ATG10: variants seen among roughly 807,000 people sequenced by gnomAD.
ATG10 encodes autophagy related 10.
A neutral mutation model predicts 32.1 loss-of-function variants in ATG10; 30 were observed. The ratio of observed to expected loss-of-function variants is 0.94; its 90% CI spans 0.70 to 1.27. The LOEUF is 1.27. Among genes scored for constraint, ATG10 ranks in the 50% most tolerant of loss-of-function variants. ATG10 has a pLI of 0.00. For missense variants in ATG10, 233 were observed against 262.3 expected, an observed-to-expected ratio of 0.89 and a Z score of 0.77; for synonymous variants, 87 against 91.5, an observed-to-expected ratio of 0.95 and a Z score of 0.28.
chr5:82,210,565 A>G (rs1433821244), intron 5 of ATG10, among the ~76,000 whole-genome samples: 1 of 152,052 alleles, frequency 6.6e-6, no homozygotes, highest in Non-Finnish European at 1.5e-5. Flanking sequence ...TTTTCTCCTG[A>G]TTCTTTGACC....
chr5:82,054,350 C>T (rs1763522318), intron 2 of ATG10, among the ~76,000 whole-genome samples: 1 of 152,162 alleles, frequency 6.6e-6, no homozygotes, highest in Admixed American at 6.6e-5. Flanking sequence ...AATGCAGAAT[C>T]AGGAGGTCTG....
intron 3 of ATG10, among the ~76,000 whole-genome samples, chr5:82,113,125 C>T (rs1393916888): frequency 1.3e-5 from 2 of 151,692 alleles, no homozygotes; most frequent in Admixed American, 6.6e-5. Context: ...TCACAGACGC[C>T]GTTTGTTGAC....
chr5:82,033,729 A>AAC (rs59922803), intron 2 of ATG10, among the ~76,000 whole-genome samples: 2,861 of 146,284 alleles, frequency 0.02, 58 homozygotes, highest in African/African-American at 0.054. Context: ...ATACTATACA[A>AAC]ACACACACAC....
intron 3 of ATG10, among the ~76,000 whole-genome samples, chr5:82,080,389 G>A (rs1448643824): frequency 1.3e-5 from 2 of 152,102 alleles, no homozygotes; most frequent in African/African-American, 2.4e-5. Flanking sequence ...TGTCTATTTT[G>A]GCTTTTGTTG....
chr5:82,135,327 T>A (rs1766682068), intron 3 of ATG10, among the ~76,000 whole-genome samples: 1 of 152,206 alleles, frequency 6.6e-6, no homozygotes. Flanking sequence ...AAGGTGTCAA[T>A]TTTAGATCTT....
chr5:82,207,822 C>T (rs766161019), intron 5 of ATG10, among the ~76,000 whole-genome samples: 8 of 151,972 alleles, frequency 5.3e-5, no homozygotes, highest in Non-Finnish European at 8.8e-5. Context: ...ACTGCTGAGC[C>T]CTGGAAATGT....
intron 5 of ATG10, among the ~76,000 whole-genome samples, chr5:82,240,834 A>G (rs1262355176): frequency 1.3e-5 from 2 of 152,222 alleles, no homozygotes; most frequent in African/African-American, 4.8e-5. Context: ...AAAGGAGAAA[A>G]GTTATAGATT....
chr5:82,054,185 A>T (rs1763514004), intron 2 of ATG10, among the ~76,000 whole-genome samples: 1 of 152,174 alleles, frequency 6.6e-6, no homozygotes, highest in African/African-American at 2.4e-5. Context: ...GACACCAGCA[A>T]CAGTTTGAAA....
At chr5:82,216,868 A>T (rs1745701851) in intron 5 of ATG10, among the ~76,000 whole-genome samples, 1 of 152,118 alleles carries the variant, frequency 6.6e-6, no homozygotes, top group South Asian at 2.1e-4. Flanking sequence ...CAGCCTGGAC[A>T]ATATGGTGAA....
At chr5:82,205,840 C>CAA (rs1745268748) in intron 5 of ATG10, among the ~76,000 whole-genome samples, 2 of 152,020 alleles carry the variant, frequency 1.3e-5, no homozygotes, top group African/African-American at 4.8e-5. Flanking sequence ...TAGAGTCAGC[C>CAA]AAATTTGGGA....
chr5:82,015,873 G>A (rs1289719950), intron 2 of ATG10, among the ~76,000 whole-genome samples: 3 of 152,224 alleles, frequency 2.0e-5, no homozygotes, highest in African/African-American at 7.2e-5. Context: ...CTGGTGAGGA[G>A]CTGCGTTCCT....
chr5:82,127,555 C>T (rs1342249049), intron 3 of ATG10, among the ~76,000 whole-genome samples: 1 of 152,134 alleles, frequency 6.6e-6, no homozygotes, highest in Non-Finnish European at 1.5e-5. Flanking sequence ...AGTGGTCATT[C>T]AGGAGCAGGT....
chr5:81,999,138 T>G (rs2149681524), intron 2 of ATG10, among the ~76,000 whole-genome samples: 1 of 123,998 alleles, frequency 8.1e-6, no homozygotes, highest in African/African-American at 2.9e-5. Context: ...AAAAAAATCC[T>G]CAGCCAAAAA....
intron 3 of ATG10, among the ~76,000 whole-genome samples, chr5:82,151,626 C>CA (rs530575677): frequency 0.051 from 5,058 of 98,442 alleles, 206 homozygotes; most frequent in African/African-American, 0.15. Context: ...ATCCCTGGAA[C>CA]AAAAAAAAAA....
rs559408145 is a variant in ATG10 at position 82,111,917 on chromosome 5, A to G, written c.217-52482A>G. On this transcript the variant is annotated intron_variant, in intron 3 of 7. Coordinates refer to ENST00000282185, the MANE Select transcript of ATG10 (RefSeq NM_031482.5). The stretch of plus-strand genomic sequence containing the variant: ...TTGTGTTCATATATCTGTTTTGTTC[A>G]TGGTGAAACTAACACTACAAAAGAA... 2.0e-5 allele frequency among the ~76,000 whole-genome samples: 3 copies of G among 152,174 alleles called. No individual in the cohort carries two copies. The South Asian group carries it at 6.2e-4, about 32-fold the overall frequency.
intron 2 of ATG10, among the ~76,000 whole-genome samples, chr5:82,028,029 A>G (rs1259346649): frequency 6.6e-6 from 1 of 152,256 alleles, no homozygotes; most frequent in Admixed American, 6.5e-5. Context: ...TAAACCAGTT[A>G]CAAGGTCACA....
At chr5:82,014,321 G>C (rs1247028273) in intron 2 of ATG10, among the ~76,000 whole-genome samples, 1 of 152,210 alleles carries the variant, frequency 6.6e-6, no homozygotes, top group Non-Finnish European at 1.5e-5. Context: ...TTGGGGTGGA[G>C]AGTTCTGTAG....
chr5:82,060,218 CAT>C (rs796130997), intron 3 of ATG10, among the ~76,000 whole-genome samples: 2 of 152,170 alleles, frequency 1.3e-5, no homozygotes, highest in African/African-American at 4.8e-5. Context: ...AAATTTGAAA[CAT>C]ATGGAAAAAT....
At chr5:81,979,481 T>C (rs1485912194) in intron 1 of ATG10, among the ~76,000 whole-genome samples, 1 of 152,032 alleles carries the variant, frequency 6.6e-6, no homozygotes, top group Non-Finnish European at 1.5e-5. Context: ...TGAGCCGAGA[T>C]AGCACCGCTG....
Sources: gnomAD v4.1 joint callset for allele counts (sites outside exome capture counted in the v4.1 genomes callset) on GRCh38, gnomAD v4.1.1 for gene constraint, MANE v1.5 for transcripts, NCBI Gene and HGNC (gene_info 2026-07-23, HGNC 2026-07-21) for gene names.